FRMD5: variants seen among roughly 807,000 people sequenced by gnomAD.
FRMD5 encodes the protein FERM domain-containing protein 5.
A neutral mutation model predicts 69.0 loss-of-function variants in FRMD5; 20 were observed. The ratio of observed to expected loss-of-function variants is 0.29; its 90% CI spans 0.20 to 0.42. FRMD5 has a LOEUF of 0.42. Among genes scored for constraint, FRMD5 ranks in the 10% least tolerant of loss-of-function variants. The pLI, the probability that FRMD5 is intolerant of heterozygous loss-of-function variation, is 1.00. For missense variants in FRMD5, 595 were observed against 708.6 expected, an observed-to-expected ratio of 0.84 and a Z score of 1.82; for synonymous variants, 271 against 260.1, an observed-to-expected ratio of 1.04 and a Z score of -0.40.
intron 8 of FRMD5, among the ~76,000 whole-genome samples, chr15:43,890,450 G>C (rs574430814): frequency 6.6e-6 from 1 of 152,248 alleles, no homozygotes; most frequent in South Asian, 2.1e-4. Flanking sequence ...CTTGTTTCTA[G>C]CCAAACATTC....
chr15:43,872,994 T>C lies in FRMD5; in HGVS notation c.*891A>G. On this transcript the variant is annotated 3_prime_UTR_variant, in exon 14 of 14. Transcript: ENST00000417257. Reference sequence around the variant, plus strand: ...ACTCTGCTTTCTCTTAACTACACTTTGTCCAACATTTCTGACAGAACTATC... The same window carrying C: ...ACTCTGCTTTCTCTTAACTACACTTCGTCCAACATTTCTGACAGAACTATC... 3 of 590,300 alleles carry C rather than the reference T, an allele frequency of 5.1e-6. No homozygotes were observed. The allele number at this position is 590,300 out of a possible 1,614,324, so 36.6% of individuals were successfully genotyped here.
chr15:44,112,732 T>G (rs1402193360), intron 1 of FRMD5, among the ~76,000 whole-genome samples: 1 of 152,068 alleles, frequency 6.6e-6, no homozygotes, highest in Non-Finnish European at 1.5e-5. Flanking sequence ...CCTCCCAAAG[T>G]GCTAGGATTA....
intron 7 of FRMD5, among the ~76,000 whole-genome samples, chr15:43,901,327 A>ATATAC (rs1243374996): frequency 6.6e-6 from 1 of 152,224 alleles, no homozygotes; most frequent in African/African-American, 2.4e-5. Context: ...CTAGGAACTA[A>ATATAC]TATACTATTC....
chr15:43,872,952 G>A lies in FRMD5; in HGVS notation c.*933C>T. On this transcript the variant is annotated 3_prime_UTR_variant, in exon 14 of 14. Transcript: ENST00000417257. ...AAGCACTGCTATCCAAATCTCAACA[G>A]TCTCTCAGGTAACTTAACTCTGCTT... The A allele has an allele frequency of 1.9e-6, 1 of 519,544 alleles. No individual in the cohort carries two copies. The highest frequency in any genetic ancestry group is 1.9e-5 in the African/African-American group (1 of 52,722). 32.2% of individuals were successfully genotyped at this position (519,544 alleles called of 1,614,324 possible). A position where few individuals can be genotyped will look rare whatever the true frequency, so the allele number is the denominator to read the frequency against.
At chr15:44,067,585 T>A (rs1893364843) in intron 1 of FRMD5, among the ~76,000 whole-genome samples, 2 of 152,180 alleles carry the variant, frequency 1.3e-5, no homozygotes, top group African/African-American at 4.8e-5. Context: ...TGTTGCTGCA[T>A]CCTCAGAGGG....
chr15:44,166,816 T>G (rs1311665967), intron 1 of FRMD5, among the ~76,000 whole-genome samples: 5 of 146,766 alleles, frequency 3.4e-5, no homozygotes, highest in Non-Finnish European at 7.5e-5. Context: ...AAGAAGAAAG[T>G]TCTTGTGCAA....
At chr15:44,086,413 C>G (rs945266782) in intron 1 of FRMD5, among the ~76,000 whole-genome samples, 4 of 152,190 alleles carry the variant, frequency 2.6e-5, no homozygotes, top group African/African-American at 9.6e-5. Context: ...CTTGATACAA[C>G]ATGGATGAAC....
chr15:44,083,949 T>G (rs2140455666), intron 1 of FRMD5, among the ~76,000 whole-genome samples: 1 of 152,170 alleles, frequency 6.6e-6, no homozygotes, highest in African/African-American at 2.4e-5. Flanking sequence ...ATACCTACCT[T>G]TCATTAATAA....
rs2088621880 is a variant in FRMD5 at position 43,884,743 on chromosome 15, G to A, written c.1012C>T (p.Pro338Ser). Residue 338 changes from proline to serine, a missense_variant, in exon 12 of 14, where the codon CCA (proline) becomes TCA (serine). This residue lies in a region of FRMD5 where 176 missense variants were observed against 266.3 expected (regional missense o/e 0.66). Transcript: ENST00000417257. Reference sequence around the variant, plus strand: ...GCAGCCTACCTGTGTATTTCCGGTGGCTCCCGTTTGATCTTAGCACTTGAT... The same window carrying A: ...GCAGCCTACCTGTGTATTTCCGGTGACTCCCGTTTGATCTTAGCACTTGAT... ...MESSAKIKRE[P>S]PEIHRAGMVP... The A allele has an allele frequency of 6.2e-7, 1 of 1,613,912 alleles. No individual in the cohort carries two copies.
intron 1 of FRMD5, among the ~76,000 whole-genome samples, chr15:44,067,696 C>G (rs1479184328): frequency 6.6e-6 from 1 of 152,118 alleles, no homozygotes; most frequent in East Asian, 1.9e-4. Context: ...AAGGCCCCAA[C>G]TCTTAATACT....
intron 1 of FRMD5, among the ~76,000 whole-genome samples, chr15:44,170,139 C>A (rs1353578555): frequency 1.3e-5 from 2 of 152,118 alleles, no homozygotes; most frequent in Non-Finnish European, 2.9e-5. Context: ...AGGCTGGCCA[C>A]AAACTCCTGA....
chr15:43,919,870 T>C, intron 2 of FRMD5, 61 bp from the exon 3 acceptor site: 1 of 1,475,570 alleles, frequency 6.8e-7, no homozygotes. Flanking sequence ...ATATAACTTG[T>C]TTTCTCCAAC....
chr15:44,137,115 A>G (rs1191279867), intron 1 of FRMD5, among the ~76,000 whole-genome samples: 1 of 152,216 alleles, frequency 6.6e-6, no homozygotes, highest in East Asian at 1.9e-4. Context: ...CTAGACCTTA[A>G]GGAATGTAAC....
intron 1 of FRMD5, among the ~76,000 whole-genome samples, chr15:44,143,902 C>T (rs902386758): frequency 1.5e-4 from 17 of 116,416 alleles, no homozygotes; most frequent in South Asian, 2.9e-4. Context: ...CCAGTCTGGG[C>T]GACAGACTGA....
At chr15:44,019,533 C>T (rs975095701) in intron 1 of FRMD5, among the ~76,000 whole-genome samples, 6 of 151,178 alleles carry the variant, frequency 4.0e-5, no homozygotes, top group African/African-American at 9.7e-5. Context: ...ATCCGGAGTT[C>T]GAGACCAGCC....
At chr15:44,005,471 C>CAAAAAAAA (rs55839205) in intron 1 of FRMD5, among the ~76,000 whole-genome samples, 12 of 69,444 alleles carry the variant, frequency 1.7e-4, no homozygotes, top group South Asian at 5.6e-4. Flanking sequence ...AACTCCATCT[C>CAAAAAAAA]AAAAAAAAAA....
chr15:44,119,125 T>A lies in FRMD5; in HGVS notation c.102+75828A>T, dbSNP rs534660096. ...TATGCACCACCACACCCAGTTAATT[T>A]TTTTTATTTTTTGTAGAGACAGGGT... is the stretch of plus-strand genomic sequence containing the variant. On this transcript the variant is annotated intron_variant, in intron 1 of 13. Coordinates refer to ENST00000417257, the MANE Select transcript of FRMD5 (RefSeq NM_032892.5). Among the ~76,000 whole-genome samples, 30 of 152,158 alleles carry A rather than the reference T, an allele frequency of 2.0e-4. No individual in the cohort carries two copies. In the South Asian group the frequency reaches 3.5e-3, roughly 18 times the overall value.
chr15:43,983,540 T>C (rs536890765), intron 1 of FRMD5, among the ~76,000 whole-genome samples: 2 of 152,342 alleles, frequency 1.3e-5, no homozygotes, highest in African/African-American at 4.8e-5. Context: ...GATTCACAAC[T>C]GCCAAATCAC....
rs1326069406 is a variant in FRMD5, at chr15:43,873,095, A to T, written c.*790T>A. The T allele has an allele frequency of 7.3e-7, 1 of 1,368,512 alleles. No homozygotes were observed. The highest frequency in any genetic ancestry group is 1.0e-6 in the Non-Finnish European group (1 of 996,382). The allele number at this position is 1,368,512 out of a possible 1,614,324, so 84.8% of individuals were successfully genotyped here. A position where few individuals can be genotyped will look rare whatever the true frequency, so the allele number is the denominator to read the frequency against. ...TCTTGAGGTTCTTCGGAAAAAAAAA[A>T]TCACGTTAAGTCTAGTTTCATTATA... On this transcript the variant is annotated 3_prime_UTR_variant, in exon 14 of 14. Transcript: ENST00000417257.
Sources: gnomAD v4.1 joint callset for allele counts (sites outside exome capture counted in the v4.1 genomes callset) on GRCh38, gnomAD v4.1.1 for gene constraint, gnomAD v4.1.1 regional missense constraint, MANE v1.5 for transcripts, NCBI Gene and HGNC (gene_info 2026-07-23, HGNC 2026-07-21) for gene names.